Variants in PCDHGA5 observed in about 807,000 individuals in gnomAD.
PCDHGA5 encodes the protein protocadherin gamma subfamily A, 5.
A neutral mutation model predicts 56.7 loss-of-function variants in PCDHGA5; 36 were observed. That is an observed-to-expected ratio of 0.64 (90% CI 0.49 to 0.84). PCDHGA5 has a LOEUF of 0.84. Among genes scored for constraint, PCDHGA5 ranks in the 40% least tolerant of loss-of-function variants. PCDHGA5 has a pLI of 0.00. For synonymous variants in PCDHGA5, 563 were observed against 520.2 expected, an observed-to-expected ratio of 1.08 and a Z score of -1.12; for missense variants, 1,305 against 1,201.5, an observed-to-expected ratio of 1.09 and a Z score of -1.27.
chr5:141,491,508 G>T lies in PCDHGA5; in HGVS notation c.2422-3299G>T. 1 of 1,614,030 alleles carries T rather than the reference G, an allele frequency of 6.2e-7. No homozygotes were observed. Among genetic ancestry groups the T allele is most frequent in the Non-Finnish European group, 8.5e-7 (1 of 1,180,014 alleles). ...ACCTGCAGGTGAGCTCGGACGGCACGCTCAAGTACATGGAGGTGACGCTGC... is the reference window on the plus strand; with the variant it reads ...ACCTGCAGGTGAGCTCGGACGGCACTCTCAAGTACATGGAGGTGACGCTGC... On this transcript the variant is annotated intron_variant, in intron 1 of 3. Transcript: ENST00000518069. The surrounding 1 kb of genome is among the most constrained non-coding windows in gnomAD (Gnocchi z 6.9).
At chr5:141,420,245 G>T (rs72790042) in intron 1 of PCDHGA5, 1 of 1,584,230 alleles carries the variant, frequency 6.3e-7, no homozygotes, top group East Asian at 2.2e-5. Flanking sequence ...AACTCCCAGC[G>T]TTGAAGCAGA....
Position 141,477,256 on chromosome 5 carries a change from T to G in PCDHGA5, c.2422-17551T>G. 2 of 1,614,210 alleles carry G rather than the reference T, an allele frequency of 1.2e-6. No homozygotes were observed. The highest frequency in any genetic ancestry group is 1.7e-6 in the Non-Finnish European group (2 of 1,180,038). On this transcript the variant is annotated intron_variant, in intron 1 of 3. Coordinates refer to ENST00000518069, the MANE Select transcript of PCDHGA5 (RefSeq NM_018918.3). This position sits in a 1 kb window ranked among gnomAD's most constrained non-coding sequence, Gnocchi z 4.9. Reference sequence around the variant, plus strand: ...CTTTGCTCAGTGTGACTGACCTGGATGCTGGCGAGAACGGGCTGGTGACCT... The same window carrying G: ...CTTTGCTCAGTGTGACTGACCTGGAGGCTGGCGAGAACGGGCTGGTGACCT...
chr5:141,409,178 G>C, intron 1 of PCDHGA5: 1 of 1,613,994 alleles, frequency 6.2e-7, no homozygotes, highest in Non-Finnish European at 8.5e-7. Context: ...GGACGGAGGT[G>C]GTCTCTCTAC....
At chr5:141,506,910 G>C (rs1165112258) in intron 3 of PCDHGA5, among the ~76,000 whole-genome samples, 1 of 152,082 alleles carries the variant, frequency 6.6e-6, no homozygotes, top group Admixed American at 6.5e-5. Context: ...ATCACACCTG[G>C]GCACATACTA....
At chr5:141,408,213 G>A in intron 1 of PCDHGA5, 1 of 1,554,970 alleles carries the variant, frequency 6.4e-7, no homozygotes, top group South Asian at 1.2e-5. Flanking sequence ...ATGGGAGGGA[G>A]CTGCGCGCAG....
chr5:141,388,659 A>C (rs777197911), intron 1 of PCDHGA5: 1 of 1,613,882 alleles, frequency 6.2e-7, no homozygotes, highest in East Asian at 2.2e-5. Flanking sequence ...GTACCCGGGG[A>C]CCACGGTGCT....
chr5:141,376,975 C>T (rs1216034593), intron 1 of PCDHGA5: 1 of 157,554 alleles, frequency 6.3e-6, no homozygotes, highest in African/African-American at 2.4e-5. Flanking sequence ...GCGTGAGCCA[C>T]CGCGCCCGGC....
chr5:141,507,251 A>G (rs958917337), intron 3 of PCDHGA5: 3 of 152,400 alleles, frequency 2.0e-5, no homozygotes, highest in Non-Finnish European at 4.4e-5. Context: ...TGAATGTCAG[A>G]TAAACAGCAA....
chr5:141,451,955 A>T (rs1004010741), intron 1 of PCDHGA5, among the ~76,000 whole-genome samples: 2 of 152,196 alleles, frequency 1.3e-5, no homozygotes, highest in Admixed American at 1.3e-4. Flanking sequence ...CGAGAAAGTG[A>T]CATACCATCA....
chr5:141,421,567 A>G (rs1202908091), intron 1 of PCDHGA5: 27 of 1,613,972 alleles, frequency 1.7e-5, no homozygotes, highest in Non-Finnish European at 2.2e-5. Context: ...CGTGGAAGAC[A>G]CCTTGAAGAT....
chr5:141,500,340 C>T (rs188966393), intron 2 of PCDHGA5, among the ~76,000 whole-genome samples: 1 of 151,950 alleles, frequency 6.6e-6, no homozygotes, highest in East Asian at 1.9e-4. Flanking sequence ...TCCAGAATAG[C>T]TGGGACTACA....
chr5:141,455,587 T>C (rs1383947901), intron 1 of PCDHGA5, among the ~76,000 whole-genome samples: 1 of 152,162 alleles, frequency 6.6e-6, no homozygotes, highest in African/African-American at 2.4e-5. Flanking sequence ...CCTTTTAATA[T>C]GCAAACGTAG....
chr5:141,479,188 A>G (rs2099489531), intron 1 of PCDHGA5: 1 of 152,606 alleles, frequency 6.6e-6, no homozygotes. Context: ...TAGAAAATTC[A>G]GAAAATACAG....
chr5:141,480,273 G>A (rs2099516030), intron 1 of PCDHGA5, among the ~76,000 whole-genome samples: 1 of 151,956 alleles, frequency 6.6e-6, no homozygotes, highest in Non-Finnish European at 1.5e-5. Flanking sequence ...TCATTAGCTG[G>A]GTGTGTTGGC....
At chr5:141,404,806 G>A (rs774487660) in intron 1 of PCDHGA5, 29 of 1,613,874 alleles carry the variant, frequency 1.8e-5, no homozygotes, top group South Asian at 1.3e-4. Context: ...GGCTCTTCTC[G>A]GTGGGGCTGC....
intron 1 of PCDHGA5, chr5:141,397,905 G>C: frequency 1.5e-6 from 1 of 659,508 alleles, no homozygotes; most frequent in East Asian, 2.8e-5. Flanking sequence ...GCAGAGCTTG[G>C]CGCTCCAGAT....
intron 1 of PCDHGA5, chr5:141,405,079 C>G (rs1383258618): frequency 6.2e-7 from 1 of 1,613,898 alleles, no homozygotes; most frequent in South Asian, 1.1e-5. Context: ...CCTTCGTTAT[C>G]ACGCTGCTGG....
chr5:141,383,287 G>A (rs753501762), intron 1 of PCDHGA5: 2 of 1,613,798 alleles, frequency 1.2e-6, no homozygotes, highest in South Asian at 2.2e-5. Context: ...TAATGACAAC[G>A]TTCCAAGATT....
chr5:141,388,007 G>A (rs2091194433), intron 1 of PCDHGA5: 1 of 1,480,702 alleles, frequency 6.8e-7, no homozygotes, highest in Non-Finnish European at 9.1e-7. Context: ...CCGAGGAAAT[G>A]CCCAAGGGCT....
Sources: allele counts gnomAD v4.1 joint callset (sites outside exome capture counted in the v4.1 genomes callset), GRCh38; gene constraint gnomAD v4.1.1; non-coding constraint Gnocchi (gnomAD v3.1); transcripts MANE v1.5; gene names NCBI Gene and HGNC (gene_info 2026-07-23, HGNC 2026-07-21).